Variants in DRC4 observed in about 807,000 individuals in gnomAD.
DRC4 encodes the protein dynein regulatory complex subunit 4.
the DRC4 span, chr16:90,032,822 C>G: frequency 6.2e-7 from 1 of 1,613,958 alleles, no homozygotes; most frequent in Admixed American, 1.7e-5. Context: ...AGAAAGAGCA[C>G]CGCATACAGG....
At chr16:90,041,625 G>A in the DRC4 span, among the ~76,000 whole-genome samples, 16 of 152,150 alleles carry the variant, frequency 1.1e-4, no homozygotes, top group Non-Finnish European at 2.4e-4. Context: ...CCAAGATGGT[G>A]AAACCCCGTC....
the DRC4 span, chr16:90,022,700 G>T: frequency 1.4e-6 from 2 of 1,424,906 alleles, no homozygotes; most frequent in Non-Finnish European, 9.2e-7. Flanking sequence ...CGGAGTCGCC[G>T]CTGGGCCTGT....
At chr16:90,023,676 A>T in the DRC4 span, among the ~76,000 whole-genome samples, 1 of 150,870 alleles carries the variant, frequency 6.6e-6, no homozygotes. Flanking sequence ...TCTTCTGAAA[A>T]CCGACTATGA....
chr16:90,043,319 G>C, the DRC4 span: 1 of 1,610,272 alleles, frequency 6.2e-7, no homozygotes, highest in South Asian at 1.1e-5. Context: ...CCAGGGCCCC[G>C]CGGGACTGGT....
At chr16:90,020,305 C>CAAAA in the DRC4 span, 1,150 of 316,410 alleles carry the variant, frequency 3.6e-3, 13 homozygotes, top group African/African-American at 0.023. Context: ...TTGTATGTCT[C>CAAAA]AAAAAAAAAA....
the DRC4 span, among the ~76,000 whole-genome samples, chr16:90,033,525 G>C: frequency 3.9e-5 from 6 of 152,250 alleles, no homozygotes. Context: ...ACATTAGCTG[G>C]TGTAGTGGCA....
the DRC4 span, among the ~76,000 whole-genome samples, chr16:90,041,350 G>A: frequency 6.6e-6 from 1 of 152,208 alleles, no homozygotes; most frequent in Non-Finnish European, 1.5e-5. Context: ...GTGTGAGGGG[G>A]CTGCTGTGTC....
At chr16:90,038,748 G>A in the DRC4 span, among the ~76,000 whole-genome samples, 762 of 152,230 alleles carry the variant, frequency 5.0e-3, 8 homozygotes, top group African/African-American at 0.017. Context: ...ATCTCATTTC[G>A]TGGGCACTTC....
the DRC4 span, among the ~76,000 whole-genome samples, chr16:90,024,140 TCA>T: frequency 4.9e-5 from 7 of 143,820 alleles, no homozygotes; most frequent in Non-Finnish European, 7.5e-5. Context: ...ACACACACAC[TCA>T]CACACACACA....
the DRC4 span, among the ~76,000 whole-genome samples, chr16:90,038,778 T>C: frequency 6.6e-6 from 1 of 152,148 alleles, no homozygotes; most frequent in Non-Finnish European, 1.5e-5. Context: ...CAGTGAGTGG[T>C]AGGGGTGCTC....
At chr16:90,042,435 T>G in the DRC4 span, 1 of 1,605,616 alleles carries the variant, frequency 6.2e-7, no homozygotes, top group Non-Finnish European at 8.5e-7. Context: ...GGCCAAAAGA[T>G]GAGTCTCAAA....
chr16:90,023,248 C>T, the DRC4 span, among the ~76,000 whole-genome samples: 1 of 152,206 alleles, frequency 6.6e-6, no homozygotes, highest in African/African-American at 2.4e-5. Flanking sequence ...AGGTCCAGTG[C>T]CCTTGGAGTG....
chr16:90,022,026 G>A, the DRC4 span: 1 of 152,090 alleles, frequency 6.6e-6, no homozygotes, highest in African/African-American at 2.4e-5. Context: ...AAGGAAAGTG[G>A]CAGCTGTTTG....
the DRC4 span, chr16:90,040,476 T>G: frequency 9.3e-4 from 1,502 of 1,607,796 alleles, 14 homozygotes; most frequent in African/African-American, 0.018. Flanking sequence ...ACCTGGACCC[T>G]GCAGCCCTGA....
At chr16:90,026,120 TTAAAAAAG>T in the DRC4 span, among the ~76,000 whole-genome samples, 1,037 of 151,902 alleles carry the variant, frequency 6.8e-3, 4 homozygotes, top group Non-Finnish European at 0.011. Flanking sequence ...GACTTTGTCT[TTAAAAAAG>T]GTTACCGAGA....
chr16:90,037,650 C>A, the DRC4 span: 1 of 1,122,882 alleles, frequency 8.9e-7, no homozygotes, highest in Non-Finnish European at 1.3e-6. Context: ...GTCCTGGAAC[C>A]AGGTCTTTCT....
chr16:90,041,642 A>G, the DRC4 span, among the ~76,000 whole-genome samples: 135 of 152,202 alleles, frequency 8.9e-4, no homozygotes, highest in African/African-American at 3.2e-3. Context: ...CGTCTCTACT[A>G]AAAATACAAA....
chr16:90,036,151 G>A, the DRC4 span: 4 of 586,080 alleles, frequency 6.8e-6, no homozygotes, highest in Admixed American at 9.8e-5. Context: ...GGAGCGATTA[G>A]CAATGCCTGT....
chr16:90,038,208 C>G, the DRC4 span, among the ~76,000 whole-genome samples: 3 of 152,212 alleles, frequency 2.0e-5, no homozygotes, highest in East Asian at 5.8e-4. Flanking sequence ...GAGGGAGGCT[C>G]TTAAGTGTAA....
Sources: gnomAD v4.1 joint callset for allele counts (sites outside exome capture counted in the v4.1 genomes callset) on GRCh38, gnomAD v4.1.1 for gene constraint, MANE v1.5 for transcripts, NCBI Gene and HGNC (gene_info 2026-07-23, HGNC 2026-07-21) for gene names.